Variants in PKD1L3 observed in about 807,000 individuals in gnomAD.
PKD1L3 encodes the protein polycystin 1 like 3, transient receptor potential channel interacting, also known as polycystin-1-like protein 3.
Under a neutral mutation model 184.1 loss-of-function variants are expected in PKD1L3, and 239 were observed. The observed-to-expected ratio is 1.30, with a 90% CI of 1.17 to 1.45. The LOEUF (loss-of-function observed/expected upper bound fraction) is 1.45. PKD1L3 is among the 40% of genes most tolerant of loss of function. The pLI is 0.00. For synonymous variants in PKD1L3, 996 were observed against 778.8 expected (o/e 1.28, Z -4.64); for missense variants, 2,660 against 2,067.2 (o/e 1.29, Z -5.56).
At position 71,977,420 on chromosome 16, in the gene PKD1L3, G is replaced by A. The variant is rs1437091701; in HGVS notation, c.1575C>T (p.Leu525=). 4.5e-6 allele frequency: 7 copies of A among 1,551,488 alleles called. No homozygotes were observed. The highest frequency in any genetic ancestry group is 5.2e-6 in the Non-Finnish European group (6 of 1,146,918). ...NVSLETHPTS[L]NMSTHQLTIT... The stretch of plus-strand genomic sequence containing the variant: ...TTGTAAGCTGATGTGTGCTCATGTT[G>A]AGGCTGGTGGGATGGGTTTCCAAGC... The change falls in exon 11 of 30, where the codon CTC becomes CTT. Residue 525 remains leucine, a synonymous_variant. Coordinates refer to ENST00000620267, the MANE Select transcript of PKD1L3 (RefSeq NM_181536.2).
chr16:71,979,865 G>T lies in PKD1L3; in HGVS notation c.1319C>A (p.Pro440Gln). Residue 440 changes from proline (P) to glutamine (Q), a missense_variant, in exon 9 of 30, where the codon CCA (proline) becomes CAA (glutamine). Transcript: ENST00000620267. ...LPLSSYTLGHPAPVRLGFPSA... is the reference protein window; with the variant it reads ...LPLSSYTLGHQAPVRLGFPSA... ...CGGAAAGCCTAGCCTCACAGGGGCT[G>T]GGTGACCCAGAGTGTAAGAGCTCAG... 6.5e-7 allele frequency: 1 copy of T among 1,538,546 alleles called. No individual in the cohort carries two copies.
At chr16:71,949,700 A>G (rs1201588245) in intron 21 of PKD1L3, 83 bp downstream of exon 21, 2 of 1,260,116 alleles carry the variant, frequency 1.6e-6, no homozygotes, top group African/African-American at 1.5e-5. Context: ...TGTCAAAACC[A>G]CTAGGCACCT....
At chr16:71,978,207 A>G (rs2040002410) in intron 10 of PKD1L3, 48 bp downstream of exon 10, 2 of 1,516,796 alleles carry the variant, frequency 1.3e-6, no homozygotes, top group Non-Finnish European at 1.8e-6. Flanking sequence ...ATCCTGTTGC[A>G]GAATATCCCA....
chr16:71,945,228 G>A (rs116716469), intron 22 of PKD1L3, among the ~76,000 whole-genome samples: 4,857 of 122,002 alleles, frequency 0.04, 307 homozygotes, highest in African/African-American at 0.14. Flanking sequence ...ATTAAAATAT[G>A]GATTCTGGAG....
Position 71,978,247 on chromosome 16 carries a change from G to T in PKD1L3, c.1527+8C>A, listed in dbSNP as rs541092370. The T allele has an allele frequency of 1.3e-6, 2 of 1,547,862 alleles. No homozygotes were observed. Among genetic ancestry groups the T allele is most frequent in the Admixed American group, 2.0e-5 (1 of 50,842 alleles). On this transcript the variant is annotated splice_region_variant and intron_variant, in intron 10 of 29. Transcript: ENST00000620267. ...CTTCTATTTTATTCCCTAAGAATCA[G>T]TTCCTACCTCAATGTCCTCCATTAA... is the stretch of plus-strand genomic sequence containing the variant.
chr16:71,929,934 A>G (rs2037869122), intron 29 of PKD1L3, 118 bp downstream of exon 29: 1 of 1,256,460 alleles, frequency 8.0e-7, no homozygotes, highest in African/African-American at 1.5e-5. Flanking sequence ...TTTGAAACTA[A>G]TAAAGGGAAT....
At chr16:71,964,409 G>C (rs1381670774) in intron 15 of PKD1L3, among the ~76,000 whole-genome samples, 1 of 130,220 alleles carries the variant, frequency 7.7e-6, no homozygotes, top group Non-Finnish European at 1.6e-5. Context: ...TGTGATCTTG[G>C]CTCACTGCAA....
chr16:71,983,667 T>C (rs1027427233), intron 6 of PKD1L3, among the ~76,000 whole-genome samples: 4 of 121,282 alleles, frequency 3.3e-5, no homozygotes, highest in East Asian at 4.8e-4. Flanking sequence ...CTCTTTCTTT[T>C]TTTTTTTTTT....
At chr16:71,936,230 A>C (rs1356783918) in intron 25 of PKD1L3, among the ~76,000 whole-genome samples, 1 of 143,334 alleles carries the variant, frequency 7.0e-6, no homozygotes, top group African/African-American at 2.6e-5. Context: ...TTTGAGACAG[A>C]GTTTCACTCT....
intron 21 of PKD1L3, among the ~76,000 whole-genome samples, chr16:71,949,132 G>A (rs1388566184): frequency 6.6e-6 from 1 of 152,120 alleles, no homozygotes; most frequent in African/African-American, 2.4e-5. Context: ...ACTTTAGAAT[G>A]CATTGTACTA....
intron 12 of PKD1L3, among the ~76,000 whole-genome samples, chr16:71,972,452 G>A (rs2039751954): frequency 6.6e-6 from 1 of 152,036 alleles, no homozygotes; most frequent in Admixed American, 6.6e-5. Context: ...CCAAAGTGCA[G>A]GAGGGAGGAT....
At chr16:71,979,713 T>G in intron 9 of PKD1L3, 73 bp downstream of exon 9, 1 of 1,437,468 alleles carries the variant, frequency 7.0e-7, no homozygotes, top group Non-Finnish European at 9.2e-7. Flanking sequence ...TCATGATACA[T>G]TACTTTCACC....
In PKD1L3 at chr16:71,979,297, A is replaced by C. The variant is rs566625791; in HGVS notation, c.1398+489T>G. Among the ~76,000 whole-genome samples the C allele has an allele frequency of 5.9e-4, 90 of 152,268 alleles. 1 individual carries two copies. The highest frequency in any genetic ancestry group is 5.4e-3 in the South Asian group (26 of 4,832). On this transcript the variant is annotated intron_variant, in intron 9 of 29. Coordinates refer to ENST00000620267, the MANE Select transcript of PKD1L3 (RefSeq NM_181536.2). Reference sequence around the variant, plus strand: ...CGCCTCTACTAAAAATACAAAAATTAGCCAGGCATGGTGGCCCATGCCTGT... The same window carrying C: ...CGCCTCTACTAAAAATACAAAAATTCGCCAGGCATGGTGGCCCATGCCTGT...
At chr16:71,985,257 T>G (rs191695093) in intron 5 of PKD1L3, among the ~76,000 whole-genome samples, 44 of 152,166 alleles carry the variant, frequency 2.9e-4, no homozygotes, top group Admixed American at 2.0e-3. Flanking sequence ...CTCCCCCAAA[T>G]AGAACACTGA....
chr16:71,992,508 C>A (rs1200972772), intron 3 of PKD1L3, among the ~76,000 whole-genome samples: 1 of 152,178 alleles, frequency 6.6e-6, no homozygotes, highest in Non-Finnish European at 1.5e-5. Context: ...ATCATCAGAA[C>A]AACTTTTGGA....
Position 71,978,318 on chromosome 16 carries a change from TC to T in PKD1L3, c.1463del (p.Gly488GlufsTer5). 3 of 1,550,820 alleles carry T rather than the reference TC, an allele frequency of 1.9e-6. No homozygotes were observed. The highest frequency in any genetic ancestry group is 2.6e-6 in the Non-Finnish European group (3 of 1,146,474). On this transcript the variant is annotated frameshift_variant, in exon 10 of 30. Coordinates refer to ENST00000620267, the MANE Select transcript of PKD1L3 (RefSeq NM_181536.2). LOFTEE classifies it high-confidence loss of function. ...TACGATTAGCGCTTAGTAACACACTTCCAATGCTTCCAACAATGTTTCTGTT... is the reference window on the plus strand; with the variant it reads ...TACGATTAGCGCTTAGTAACACACTTCAATGCTTCCAACAATGTTTCTGTT... ...LDNRNIVGSI[G>X]SVLLSANRKL...
chr16:71,931,983 A>T (rs113497827), intron 28 of PKD1L3, among the ~76,000 whole-genome samples: 270 of 152,206 alleles, frequency 1.8e-3, no homozygotes, highest in Middle Eastern at 3.4e-3. Context: ...AGCTCAAGCA[A>T]TCTTTTCACT....
rs555794337 is a variant in PKD1L3, at chr16:71,970,235, G to A, written c.1954-130C>T. 203 of 701,820 alleles carry A rather than the reference G, an allele frequency of 2.9e-4. 1 individual carries two copies. The highest frequency in any genetic ancestry group is 5.5e-4 in the Admixed American group (20 of 36,220). The allele number at this position is 701,820 out of a possible 1,614,324, so 43.5% of individuals were successfully genotyped here. A position where few individuals can be genotyped will look rare whatever the true frequency, so the allele number is the denominator to read the frequency against. On this transcript the variant is annotated intron_variant, in intron 12 of 29. Coordinates refer to ENST00000620267, the MANE Select transcript of PKD1L3 (RefSeq NM_181536.2). The stretch of plus-strand genomic sequence containing the variant: ...TCTCTCATTCACAGCTGGTGATGGC[G>A]TAAATTGGTATAACCAATGTGGAAA...
intron 27 of PKD1L3, 104 bp from the exon 28 acceptor site, chr16:71,933,625 C>T (rs1429431558): frequency 2.3e-6 from 2 of 869,564 alleles, no homozygotes; most frequent in Non-Finnish European, 1.9e-6. Flanking sequence ...AACAGAAATT[C>T]CTTGTGGCCA....
Sources: gnomAD v4.1 joint callset for allele counts (sites outside exome capture counted in the v4.1 genomes callset) on GRCh38, gnomAD v4.1.1 for gene constraint, MANE v1.5 for transcripts, NCBI Gene and HGNC (gene_info 2026-07-23, HGNC 2026-07-21) for gene names.